Variants in MYMX observed in about 807,000 individuals in gnomAD.
MYMX encodes the protein protein myomixer.
chr6:44,208,869 C>T, the MYMX span, among the ~76,000 whole-genome samples: 3 of 152,038 alleles, frequency 2.0e-5, no homozygotes, highest in Non-Finnish European at 4.4e-5. Flanking sequence ...GAAGACACAG[C>T]ACCTCTTCTA....
upstream of MYMX, among the ~76,000 whole-genome samples, chr6:44,213,368 A>G (rs1775699202): frequency 7.0e-6 from 1 of 142,798 alleles, no homozygotes; most frequent in Admixed American, 6.7e-5. Flanking sequence ...CGTGGGCAAC[A>G]AAAAAAAGAA....
Position 44,217,845 on chromosome 6 carries a change from C to T in MYMX, c.*119C>T. ...GACAGAAGATATAGTGAGGGTTGTGCATGAGAGGGATCTGCCACAGACATG... is the reference window on the plus strand; with the variant it reads ...GACAGAAGATATAGTGAGGGTTGTGTATGAGAGGGATCTGCCACAGACATG... On this transcript the variant is annotated 3_prime_UTR_variant, in exon 2 of 2. Transcript: ENST00000573382. 2.5e-6 allele frequency: 1 copy of T among 399,770 alleles called. No individual in the cohort carries two copies. Among genetic ancestry groups the T allele is most frequent in the Non-Finnish European group, 4.4e-6 (1 of 226,204 alleles). 24.8% of individuals were successfully genotyped at this position (399,770 alleles called of 1,614,324 possible).
the MYMX span, among the ~76,000 whole-genome samples, chr6:44,199,654 T>A: frequency 9.9e-5 from 15 of 151,764 alleles, no homozygotes; most frequent in South Asian, 2.7e-3. Flanking sequence ...TTGGTCAGAG[T>A]TGCATTGAAT....
At chr6:44,211,609 C>A in the MYMX span, among the ~76,000 whole-genome samples, 1 of 148,918 alleles carries the variant, frequency 6.7e-6, no homozygotes, top group Non-Finnish European at 1.5e-5. Context: ...TACATTATTT[C>A]TTTTCTTTTC....
At chr6:44,192,910 G>A in the MYMX span, among the ~76,000 whole-genome samples, 1 of 152,176 alleles carries the variant, frequency 6.6e-6, no homozygotes, top group Admixed American at 6.5e-5. Flanking sequence ...GCACAAGAGT[G>A]TGTTGACTAA....
chr6:44,212,565 A>G (rs80324364), upstream of MYMX, among the ~76,000 whole-genome samples: 2,309 of 152,080 alleles, frequency 0.015, 43 homozygotes, highest in African/African-American at 0.052. Flanking sequence ...TTTGTATCCC[A>G]TAAATATAAA....
chr6:44,214,471 G>A (rs1340015092), upstream of MYMX, among the ~76,000 whole-genome samples: 5 of 152,106 alleles, frequency 3.3e-5, no homozygotes, highest in Non-Finnish European at 7.4e-5. Flanking sequence ...ATGTTTATCC[G>A]CTGTGAGGCT....
chr6:44,205,878 G>A, the MYMX span, among the ~76,000 whole-genome samples: 448 of 151,096 alleles, frequency 3.0e-3, 4 homozygotes, highest in African/African-American at 0.011. Context: ...TACTTGGGAG[G>A]CTGAGGTGGG....
the MYMX span, among the ~76,000 whole-genome samples, chr6:44,198,255 T>C: frequency 0.11 from 15,964 of 140,232 alleles, 1,039 homozygotes; most frequent in Middle Eastern, 0.23. Flanking sequence ...CTCCGCCTCC[T>C]GGGTTCATGC....
At chr6:44,198,326 C>T in the MYMX span, among the ~76,000 whole-genome samples, 18,305 of 150,498 alleles carry the variant, frequency 0.12, 1,200 homozygotes, top group Middle Eastern at 0.21. Context: ...CTACCACGCC[C>T]GGCTAATTTT....
the MYMX span, chr6:44,210,188 G>T: frequency 0.23 from 35,584 of 151,698 alleles, 4,438 homozygotes; most frequent in Middle Eastern, 0.36. Context: ...CTTGTGATCT[G>T]CCCACCTTGG....
At chr6:44,212,289 C>T (rs565012280), upstream of MYMX, among the ~76,000 whole-genome samples, 52 of 152,006 alleles carry the variant, frequency 3.4e-4, no homozygotes, top group African/African-American at 1.1e-3. Flanking sequence ...CCTGTAGTCC[C>T]GGCTACTGGG....
the MYMX span, among the ~76,000 whole-genome samples, chr6:44,208,136 G>A: frequency 1.3e-5 from 2 of 151,824 alleles, no homozygotes; most frequent in Non-Finnish European, 2.9e-5. Context: ...GCGGAAGCAG[G>A]AGGATCGCTT....
upstream of MYMX, among the ~76,000 whole-genome samples, chr6:44,212,974 G>T (rs1176355815): frequency 6.6e-6 from 1 of 152,040 alleles, no homozygotes; most frequent in Non-Finnish European, 1.5e-5. Context: ...GCTGCAGTGA[G>T]CTGTGATTGT....
At chr6:44,205,682 G>A in the MYMX span, among the ~76,000 whole-genome samples, 58,852 of 151,576 alleles carry the variant, frequency 0.39, 11,420 homozygotes, top group South Asian at 0.47. Flanking sequence ...GGTGGCGGGC[G>A]CCTGTAATCC....
chr6:44,212,407 AAAATAAATAAAT>A (rs35574545), upstream of MYMX, among the ~76,000 whole-genome samples: 1 of 146,352 alleles, frequency 6.8e-6, no homozygotes, highest in Non-Finnish European at 1.5e-5. Flanking sequence ...CCTGTCTCAA[AAAATAAATAAAT>A]AAATAAATAA....
the MYMX span, among the ~76,000 whole-genome samples, chr6:44,194,879 T>G: frequency 6.6e-6 from 1 of 152,292 alleles, no homozygotes; most frequent in East Asian, 1.9e-4. Flanking sequence ...CACACCATGT[T>G]ACATAGATGG....
the MYMX span, among the ~76,000 whole-genome samples, chr6:44,194,244 C>T: frequency 6.6e-6 from 1 of 152,172 alleles, no homozygotes; most frequent in African/African-American, 2.4e-5. Flanking sequence ...CCCACCATTC[C>T]AGGTCCTCAT....
At chr6:44,210,477 G>C in the MYMX span, among the ~76,000 whole-genome samples, 1 of 152,002 alleles carries the variant, frequency 6.6e-6, no homozygotes, top group Non-Finnish European at 1.5e-5. Flanking sequence ...TAGAGACAGG[G>C]TCTCCCTATG....
Sources: gnomAD v4.1 joint callset for allele counts (sites outside exome capture counted in the v4.1 genomes callset) on GRCh38, gnomAD v4.1.1 for gene constraint, MANE v1.5 for transcripts, NCBI Gene and HGNC (gene_info 2026-07-23, HGNC 2026-07-21) for gene names.